CSMD1: variants seen among roughly 807,000 people sequenced by gnomAD.
CSMD1 encodes the protein CUB and sushi domain-containing protein 1.
In CSMD1, 213 loss-of-function variants were observed where a neutral mutation model predicts 417.5. The observed-to-expected ratio is 0.51, with a 90% CI of 0.46 to 0.57. The LOEUF is 0.57. Among genes scored for constraint, CSMD1 ranks in the 20% least tolerant of loss-of-function variants. The pLI, the probability that CSMD1 is intolerant of heterozygous loss-of-function variation, is 0.00. For synonymous variants in CSMD1, 2,862 were observed against 1,736.8 expected (o/e 1.65, Z -16.11); for missense variants, 6,923 against 4,529.7 (o/e 1.53, Z -15.17).
chr8:3,476,028 C>T (rs1375766496), intron 11 of CSMD1, among the ~76,000 whole-genome samples: 2 of 152,136 alleles, frequency 1.3e-5, no homozygotes, highest in African/African-American at 4.8e-5. Flanking sequence ...TTCAATAGTT[C>T]TATTCTAATC....
At chr8:3,592,361 C>T (rs1463557105) in intron 8 of CSMD1, among the ~76,000 whole-genome samples, 2 of 151,992 alleles carry the variant, frequency 1.3e-5, no homozygotes, top group Admixed American at 1.3e-4. Context: ...CGAAGGTAGG[C>T]ATTTAAACAT....
intron 5 of CSMD1, among the ~76,000 whole-genome samples, chr8:3,852,055 T>C (rs184325836): frequency 6.6e-6 from 1 of 152,268 alleles, no homozygotes. Context: ...ATAAGAATGG[T>C]TGAGGCAGAC....
chr8:4,234,700 G>T (rs1801941506), intron 3 of CSMD1, among the ~76,000 whole-genome samples: 1 of 152,162 alleles, frequency 6.6e-6, no homozygotes, highest in Non-Finnish European at 1.5e-5. Context: ...TGAATGGTGT[G>T]GTGTACGGCC....
intron 5 of CSMD1, among the ~76,000 whole-genome samples, chr8:3,889,273 G>T (rs370670214): frequency 6.6e-6 from 1 of 151,374 alleles, no homozygotes; most frequent in African/African-American, 2.4e-5. Context: ...TGTTTTTCTA[G>T]AAAGCCATTG....
intron 3 of CSMD1, among the ~76,000 whole-genome samples, chr8:4,340,529 C>T (rs1800415773): frequency 6.6e-6 from 1 of 152,034 alleles, no homozygotes; most frequent in African/African-American, 2.4e-5. Flanking sequence ...TATTATATGT[C>T]AGATGAATCA....
intron 5 of CSMD1, among the ~76,000 whole-genome samples, chr8:3,793,032 T>C (rs1334989566): frequency 6.6e-6 from 1 of 152,130 alleles, no homozygotes; most frequent in African/African-American, 2.4e-5. Context: ...ACTCTGAGGA[T>C]GGGCGAGTGC....
rs114126060 is a variant in CSMD1 at position 4,091,321 on chromosome 8, G to C, written c.416-59222C>G. ...AAAATTCTGATTCAATAAATATTTT[G>C]TTGTAGTTAGAATGATTCCATCATT... On this transcript the variant is annotated intron_variant, in intron 3 of 69. Coordinates refer to ENST00000635120, the MANE Select transcript of CSMD1 (RefSeq NM_033225.6). Among the ~76,000 whole-genome samples the C allele has an allele frequency of 4.0e-3, 604 of 152,172 alleles. 2 individuals are homozygous for C. The highest frequency in any genetic ancestry group is 0.014 in the African/African-American group (585 of 41,502).
intron 3 of CSMD1, among the ~76,000 whole-genome samples, chr8:4,257,888 T>C (rs2656280): frequency 0.68 from 103,324 of 152,162 alleles, 39,738 homozygotes; most frequent in Non-Finnish European, 0.86. Flanking sequence ...GTTGCCTCTG[T>C]TGTGACCAGG....
intron 3 of CSMD1, among the ~76,000 whole-genome samples, chr8:4,401,312 G>A (rs1379026892): frequency 6.6e-6 from 1 of 152,056 alleles, no homozygotes; most frequent in Admixed American, 6.6e-5. Flanking sequence ...TATTTCTACA[G>A]GAATAAAATT....
intron 8 of CSMD1, among the ~76,000 whole-genome samples, chr8:3,604,095 C>T (rs1453168882): frequency 2.6e-5 from 4 of 152,128 alleles, no homozygotes; most frequent in East Asian, 1.9e-4. Flanking sequence ...ATGCTTCCTT[C>T]GAAGCAGGCT....
chr8:3,524,015 AC>A (rs1305828078), intron 10 of CSMD1, among the ~76,000 whole-genome samples: 2 of 139,176 alleles, frequency 1.4e-5, no homozygotes, highest in East Asian at 4.4e-4. Flanking sequence ...ACACATGTGC[AC>A]GTGCACACAC....
At chr8:4,187,849 T>C (rs761553567) in intron 3 of CSMD1, among the ~76,000 whole-genome samples, 2 of 152,248 alleles carry the variant, frequency 1.3e-5, no homozygotes, top group Middle Eastern at 3.4e-3. Flanking sequence ...GACTATTTCA[T>C]AGGCAGTTTT....
intron 10 of CSMD1, among the ~76,000 whole-genome samples, chr8:3,494,751 G>C (rs193112440): frequency 1.2e-4 from 18 of 152,090 alleles, no homozygotes; most frequent in Non-Finnish European, 2.4e-4. Context: ...AAAGGAAGGC[G>C]GAAGAGAGAA....
chr8:4,644,505 C>G (rs568788081), intron 1 of CSMD1, among the ~76,000 whole-genome samples: 1 of 152,264 alleles, frequency 6.6e-6, no homozygotes, highest in South Asian at 2.1e-4. Flanking sequence ...CTCCCAGGTT[C>G]AAGTGATCCT....
intron 3 of CSMD1, among the ~76,000 whole-genome samples, chr8:4,263,238 T>C (rs1024710079): frequency 3.9e-5 from 6 of 152,078 alleles, no homozygotes; most frequent in African/African-American, 1.2e-4. Context: ...TGGGTAATGA[T>C]CTAAAAAAAT....
At chr8:4,945,794 G>C (rs1431879883) in intron 1 of CSMD1, among the ~76,000 whole-genome samples, 7 of 152,122 alleles carry the variant, frequency 4.6e-5, no homozygotes, top group Non-Finnish European at 7.3e-5. Flanking sequence ...TGACGGATGA[G>C]GTTAAGTAGG....
At chr8:4,046,509 T>C (rs1253246176) in intron 3 of CSMD1, among the ~76,000 whole-genome samples, 2 of 152,172 alleles carry the variant, frequency 1.3e-5, no homozygotes, top group South Asian at 4.1e-4. Context: ...TGTTTTGTGG[T>C]TGCTGTTGCC....
Position 4,151,725 on chromosome 8 carries a change from C to T in CSMD1, c.416-119626G>A, listed in dbSNP as rs73506982. On this transcript the variant is annotated intron_variant, in intron 3 of 69. Coordinates refer to ENST00000635120, the MANE Select transcript of CSMD1 (RefSeq NM_033225.6). Reference sequence around the variant, plus strand: ...CAAGCTCACACAGATAAATTAACAGCGGGTAAATACTAGAGGAAGACTGTA... The same window carrying T: ...CAAGCTCACACAGATAAATTAACAGTGGGTAAATACTAGAGGAAGACTGTA... Among the ~76,000 whole-genome samples the T allele has an allele frequency of 1.3e-3, 196 of 152,208 alleles. 1 individual carries two copies. Among genetic ancestry groups the T allele is most frequent in the African/African-American group, 4.3e-3 (177 of 41,534 alleles).
intron 2 of CSMD1, among the ~76,000 whole-genome samples, chr8:4,582,819 G>C (rs946848387): frequency 7.2e-5 from 11 of 152,242 alleles, no homozygotes; most frequent in Admixed American, 1.3e-4. Flanking sequence ...CTTGCGGGGA[G>C]GTGTGGAGGG....
Sources: gnomAD v4.1 joint callset for allele counts (sites outside exome capture counted in the v4.1 genomes callset) on GRCh38, gnomAD v4.1.1 for gene constraint, MANE v1.5 for transcripts, NCBI Gene and HGNC (gene_info 2026-07-23, HGNC 2026-07-21) for gene names.